CHST12: variants seen among roughly 807,000 people sequenced by gnomAD.
CHST12 encodes carbohydrate (chondroitin 4) sulfotransferase 12.
In CHST12, 23 loss-of-function variants were observed where a neutral mutation model predicts 27.9. That is an observed-to-expected ratio of 0.82 (90% CI 0.59 to 1.17). The LOEUF (loss-of-function observed/expected upper bound fraction) is 1.17. CHST12 is among the 50% of genes most tolerant of loss of function. CHST12 has a pLI of 0.00. For synonymous variants in CHST12, 322 were observed against 273.0 expected, an observed-to-expected ratio of 1.18 and a Z score of -1.77; for missense variants, 682 against 603.0, an observed-to-expected ratio of 1.13 and a Z score of -1.37.
At position 2,435,078 on chromosome 7, in the gene CHST12, T is replaced by C. The variant is rs1782440263; in HGVS notation, c.*1194T>C. ...AAAAAATAAGAAAATCAGCCGGACA[T>C]GATGGTGCACACCTGTAATCCCAGC... On this transcript the variant is annotated 3_prime_UTR_variant, in exon 2 of 2. Transcript: ENST00000618655. 6.6e-6 allele frequency: 1 copy of C among 151,960 alleles called. No individual in the cohort carries two copies. The highest frequency in any genetic ancestry group is 1.5e-5 in the Non-Finnish European group (1 of 68,068). 9.4% of individuals were successfully genotyped at this position (151,960 alleles called of 1,614,324 possible).
Position 2,442,557 on chromosome 7 carries a change from G to C in CHST12, c.*8673G>C, listed in dbSNP as rs1782636967. The C allele has an allele frequency of 6.6e-6, 1 of 152,238 alleles. No individual in the cohort carries two copies. The highest frequency in any genetic ancestry group is 1.5e-5 in the Non-Finnish European group (1 of 68,120). 9.4% of individuals were successfully genotyped at this position (152,238 alleles called of 1,614,324 possible). On this transcript the variant is annotated 3_prime_UTR_variant, in exon 2 of 2. Transcript: ENST00000618655. ...TTTTTGTATTTTTAGTAGAGACGGA[G>C]TTTCACCATGTTAGCCAGGATGCTC...
At chr7:2,420,222 C>G (rs1781934196) in intron 1 of CHST12, among the ~76,000 whole-genome samples, 1 of 152,084 alleles carries the variant, frequency 6.6e-6, no homozygotes, top group African/African-American at 2.4e-5. Flanking sequence ...ATCTGCCCGC[C>G]TCGGCTTCCC....
intron 1 of CHST12, among the ~76,000 whole-genome samples, chr7:2,417,571 G>A (rs1451552984): frequency 6.6e-6 from 1 of 151,806 alleles, no homozygotes; most frequent in Non-Finnish European, 1.5e-5. Context: ...TGTATTTTTA[G>A]TAGAGACAGG....
In CHST12 at chr7:2,437,713, AACACACACACACACGCGCGC is replaced by A. The variant is rs1441561242; in HGVS notation, c.*3844_*3863del. On this transcript the variant is annotated 3_prime_UTR_variant, in exon 2 of 2. Transcript: ENST00000618655. ...CCTAGCTCTGCCACTTAGGAATCAG[AACACACACACACACGCGCGC>A]ACACACACACACACACACACACTCT... 1 of 136,188 alleles carries A rather than the reference AACACACACACACACGCGCGC, an allele frequency of 7.3e-6. No individual in the cohort carries two copies. Among genetic ancestry groups the A allele is most frequent in the Admixed American group, 7.9e-5 (1 of 12,736 alleles). 8.4% of individuals were successfully genotyped at this position (136,188 alleles called of 1,614,324 possible).
Position 2,433,654 on chromosome 7 carries a change from G to T in CHST12, c.1015G>T (p.Val339Leu). The T allele has an allele frequency of 1.9e-6, 3 of 1,613,700 alleles. No homozygotes were observed. The highest frequency in any genetic ancestry group is 1.7e-6 in the Non-Finnish European group (2 of 1,179,912). Residue 339 changes from valine to leucine, a missense_variant, in exon 2 of 2, where the codon GTG becomes TTG. Physicochemically the swap from Val to Leu is conservative, Grantham distance 32. Coordinates refer to ENST00000618655, the MANE Select transcript of CHST12 (RefSeq NM_018641.5). The surrounding 1 kb of genome is among the most constrained non-coding windows in gnomAD (Gnocchi z 6.1). ...CCCGTGCCAGATCGACTACGACTTC[G>T]TGGGGAAGCTGGAGACTCTGGACGA... Reference protein sequence around the residue: ...CHPCQIDYDFVGKLETLDEDA... With the variant: ...CHPCQIDYDFLGKLETLDEDA...
intron 1 of CHST12, among the ~76,000 whole-genome samples, chr7:2,409,584 T>C (rs994062390): frequency 1.1e-4 from 16 of 148,942 alleles, no homozygotes; most frequent in Non-Finnish European, 1.5e-4. Context: ...GCCATCACAC[T>C]CCACTCTAGC....
In CHST12 at chr7:2,433,328, T is replaced by C; in HGVS notation, c.689T>C (p.Leu230Pro). 6.2e-7 allele frequency: 1 copy of C among 1,612,740 alleles called. No individual in the cohort carries two copies. The highest frequency in any genetic ancestry group is 1.1e-5 in the South Asian group (1 of 91,088). Reference protein sequence around the residue: ...WRRYGKLSRHLMKVKLKKYTK... With the variant: ...WRRYGKLSRHPMKVKLKKYTK... ...CGCTACGGGAAGCTCTCCCGCCACC[T>C]CATGAAGGTCAAGCTCAAGAAGTAC... Residue 230 changes from leucine (L) to proline (P), a missense_variant, in exon 2 of 2, where the codon CTC (leucine) becomes CCC (proline). Physicochemically the swap from Leu to Pro is moderately conservative, Grantham distance 98. Transcript: ENST00000618655. The surrounding 1 kb of genome is among the most constrained non-coding windows in gnomAD (Gnocchi z 6.1).
chr7:2,446,060 T>A lies in CHST12; in HGVS notation c.*12176T>A, dbSNP rs1374615343. The A allele has an allele frequency of 6.6e-6, 1 of 152,410 alleles. No homozygotes were observed. Among genetic ancestry groups the A allele is most frequent in the African/African-American group, 2.4e-5 (1 of 41,436 alleles). 9.4% of individuals were successfully genotyped at this position (152,410 alleles called of 1,614,324 possible). The stretch of plus-strand genomic sequence containing the variant: ...TCTCAAGGGCACTTCGTGGGACCAT[T>A]GCCGGCCGTTGTGGCATCTGTCCCT... On this transcript the variant is annotated 3_prime_UTR_variant, in exon 2 of 2. Coordinates refer to ENST00000618655, the MANE Select transcript of CHST12 (RefSeq NM_018641.5).
rs1782423348 is a variant in CHST12, at chr7:2,434,579, T to TGAAAAAAAAAAA, written c.*695_*696insGAAAAAAAAAAA. 2.4e-4 allele frequency: 5 copies of TGAAAAAAAAAAA among 20,962 alleles called. No individual in the cohort carries two copies. The highest frequency in any genetic ancestry group is 4.2e-4 in the Non-Finnish European group (5 of 11,976). 1.3% of individuals were successfully genotyped at this position (20,962 alleles called of 1,614,324 possible). ...CAACATGGTGAAACCCTGTCTCTAC[T>TGAAAAAAAAAAA]AAAAAAAAAAAAAAAAAAAAAAAAA... On this transcript the variant is annotated 3_prime_UTR_variant, in exon 2 of 2. Coordinates refer to ENST00000618655, the MANE Select transcript of CHST12 (RefSeq NM_018641.5).
intron 1 of CHST12, among the ~76,000 whole-genome samples, chr7:2,405,530 A>T (rs945687176): frequency 6.6e-6 from 1 of 152,088 alleles, no homozygotes; most frequent in Non-Finnish European, 1.5e-5. Context: ...TTTGGGTGCG[A>T]CGCGATTAGA....
Position 2,432,938 on chromosome 7 carries a change from G to C in CHST12, c.299G>C (p.Ser100Thr). The change falls in exon 2 of 2, where the codon AGC becomes ACC. Residue 100 changes from serine to threonine, a missense_variant. By Grantham distance (58) the Ser-to-Thr change is moderately conservative. Coordinates refer to ENST00000618655, the MANE Select transcript of CHST12 (RefSeq NM_018641.5). Reference protein sequence around the residue: ...QPPAPGSMEESVRGYDWSPRD... With the variant: ...QPPAPGSMEETVRGYDWSPRD... ...CCTGCGCCGGGGAGCATGGAGGAGA[G>C]CGTGAGAGGCTACGACTGGTCCCCG... The C allele has an allele frequency of 1.9e-6, 3 of 1,612,384 alleles. 1 individual carries two copies. Among genetic ancestry groups the C allele is most frequent in the Middle Eastern group, 3.3e-4 (2 of 6,062 alleles).
chr7:2,433,938 C>A lies in CHST12; in HGVS notation c.*54C>A. The A allele has an allele frequency of 1.3e-6, 2 of 1,488,404 alleles. No individual in the cohort carries two copies. The highest frequency in any genetic ancestry group is 2.6e-5 in the South Asian group (2 of 75,570). 92.2% of individuals were successfully genotyped at this position (1,488,404 alleles called of 1,614,324 possible). A position where few individuals can be genotyped will look rare whatever the true frequency, so the allele number is the denominator to read the frequency against. On this transcript the variant is annotated 3_prime_UTR_variant, in exon 2 of 2. Transcript: ENST00000618655. The surrounding 1 kb of genome is among the most constrained non-coding windows in gnomAD (Gnocchi z 6.1). ...CCTGGAACCTGACGCACGCGCACTC[C>A]AGTTTTTTTATGACCTACGATTTTG...
chr7:2,424,803 C>G (rs897323313), intron 1 of CHST12, among the ~76,000 whole-genome samples: 1 of 152,184 alleles, frequency 6.6e-6, no homozygotes, highest in African/African-American at 2.4e-5. Flanking sequence ...AGCCCCAGCT[C>G]CCACAGAGCT....
chr7:2,403,495 C>G (rs1407587405), upstream of CHST12: 1 of 151,734 alleles, frequency 6.6e-6, no homozygotes, highest in East Asian at 1.9e-4. Flanking sequence ...AGGGCGGGCG[C>G]CCCTCGGCCT....
At position 2,441,337 on chromosome 7, in the gene CHST12, T is replaced by A. The variant is rs1445414096; in HGVS notation, c.*7453T>A. 3 of 152,204 alleles carry A rather than the reference T, an allele frequency of 2.0e-5. No individual in the cohort carries two copies. In the East Asian group the frequency reaches 5.8e-4, roughly 29 times the overall value. The allele number at this position is 152,204 out of a possible 1,614,324, so 9.4% of individuals were successfully genotyped here. A position where few individuals can be genotyped will look rare whatever the true frequency, so the allele number is the denominator to read the frequency against. On this transcript the variant is annotated 3_prime_UTR_variant, in exon 2 of 2. Coordinates refer to ENST00000618655, the MANE Select transcript of CHST12 (RefSeq NM_018641.5). Reference sequence around the variant, plus strand: ...TCTCCTGCCCCTGGGCTGGAGTTCATCTTTTAGGCAAATTTGGAATAGGAA... The same window carrying A: ...TCTCCTGCCCCTGGGCTGGAGTTCAACTTTTAGGCAAATTTGGAATAGGAA...
At chr7:2,423,393 T>C (rs753734954) in intron 1 of CHST12, among the ~76,000 whole-genome samples, 24 of 151,990 alleles carry the variant, frequency 1.6e-4, no homozygotes, top group Non-Finnish European at 4.4e-5. Context: ...CTGAACACAC[T>C]GGGAGGGCAG....
intron 1 of CHST12, among the ~76,000 whole-genome samples, chr7:2,417,301 T>C (rs947258702): frequency 6.6e-6 from 1 of 150,758 alleles, no homozygotes; most frequent in African/African-American, 2.4e-5. Context: ...CTCAGCTCAC[T>C]GCAACCTCTG....
chr7:2,413,275 T>C (rs556287408), intron 1 of CHST12, among the ~76,000 whole-genome samples: 2 of 152,362 alleles, frequency 1.3e-5, no homozygotes, highest in South Asian at 4.1e-4. Flanking sequence ...TCTTCTGTAC[T>C]GTGGAAATTG....
intron 1 of CHST12, among the ~76,000 whole-genome samples, chr7:2,427,851 C>G (rs1782167996): frequency 6.6e-6 from 1 of 152,122 alleles, no homozygotes; most frequent in Non-Finnish European, 1.5e-5. Context: ...GAGTCTTGCT[C>G]TGTCACCCAG....
Sources: allele counts gnomAD v4.1 joint callset (sites outside exome capture counted in the v4.1 genomes callset), GRCh38; gene constraint gnomAD v4.1.1; non-coding constraint Gnocchi (gnomAD v3.1); transcripts MANE v1.5; gene names NCBI Gene and HGNC (gene_info 2026-07-23, HGNC 2026-07-21).